The following CD2AP variants were observed in gnomAD, a reference collection of about 807,000 sequenced individuals.
CD2AP encodes the protein CD2 associated protein, also known as CD2-associated protein.
A neutral mutation model predicts 85.1 loss-of-function variants in CD2AP; 46 were observed. The observed-to-expected ratio is 0.54, with a 90% CI of 0.43 to 0.69. The LOEUF is 0.69. Among genes scored for constraint, CD2AP ranks in the 30% least tolerant of loss-of-function variants. The pLI, the probability that CD2AP is intolerant of heterozygous loss-of-function variation, is 0.00. For synonymous variants in CD2AP, 255 were observed against 252.9 expected (o/e 1.01, Z -0.08); for missense variants, 769 against 729.5 (o/e 1.05, Z -0.62).
chr6:47,614,679 A>G (rs1002580716), intron 17 of CD2AP, among the ~76,000 whole-genome samples: 1 of 152,246 alleles, frequency 6.6e-6, no homozygotes. Context: ...AATGGCATCA[A>G]TAGAGTTGCT....
chr6:47,535,444 C>G (rs1472871218), intron 3 of CD2AP, among the ~76,000 whole-genome samples: 1 of 152,104 alleles, frequency 6.6e-6, no homozygotes, highest in African/African-American at 2.4e-5. Flanking sequence ...CAGTCTATTA[C>G]TTTCATAAGC....
At chr6:47,534,751 A>G (rs1055563915) in intron 3 of CD2AP, among the ~76,000 whole-genome samples, 37 of 152,310 alleles carry the variant, frequency 2.4e-4, no homozygotes, top group African/African-American at 8.7e-4. Context: ...ATGGGAGCAC[A>G]TAGCAAATGT....
chr6:47,496,334 T>C (rs938259688), intron 1 of CD2AP, among the ~76,000 whole-genome samples: 8 of 152,204 alleles, frequency 5.3e-5, no homozygotes, highest in African/African-American at 1.9e-4. Flanking sequence ...CCCATTAGTC[T>C]GAATGTTGCT....
At chr6:47,541,362 G>A (rs1202451084) in intron 3 of CD2AP, among the ~76,000 whole-genome samples, 1 of 152,160 alleles carries the variant, frequency 6.6e-6, no homozygotes, top group Non-Finnish European at 1.5e-5. Flanking sequence ...CTGACCTCAT[G>A]ATCCGCCTGC....
intron 13 of CD2AP, 79 bp downstream of exon 13, chr6:47,599,522 A>G: frequency 7.9e-7 from 1 of 1,258,842 alleles, no homozygotes; most frequent in South Asian, 1.3e-5. Flanking sequence ...TATTTATGCA[A>G]TTTGTGTGTG....
chr6:47,534,070 A>T (rs1396359008), intron 3 of CD2AP, among the ~76,000 whole-genome samples: 1 of 152,260 alleles, frequency 6.6e-6, no homozygotes, highest in Non-Finnish European at 1.5e-5. Flanking sequence ...ATTCTGAAAT[A>T]TCTGCTGATT....
chr6:47,562,844 A>G, intron 5 of CD2AP: 2 of 975,680 alleles, frequency 2.0e-6, no homozygotes, highest in Non-Finnish European at 3.3e-6. Context: ...CACCAAATCA[A>G]CCTAATGAAG....
intron 11 of CD2AP, among the ~76,000 whole-genome samples, chr6:47,583,470 C>T (rs2114110608): frequency 6.6e-6 from 1 of 152,150 alleles, no homozygotes; most frequent in South Asian, 2.1e-4. Flanking sequence ...TTTTTAATGA[C>T]TCCATAGTTT....
At chr6:47,527,112 C>CA (rs766704769) in intron 2 of CD2AP, among the ~76,000 whole-genome samples, 2 of 142,054 alleles carry the variant, frequency 1.4e-5, no homozygotes, top group Non-Finnish European at 3.1e-5. Context: ...AGACTCCCCC[C>CA]CGATTGAAAA....
intron 2 of CD2AP, among the ~76,000 whole-genome samples, chr6:47,532,382 C>T (rs1165687032): frequency 3.5e-4 from 1 of 2,848 alleles, no homozygotes; most frequent in Non-Finnish European, 4.5e-3. Flanking sequence ...TGTATACACA[C>T]ACACACACAC....
intron 1 of CD2AP, among the ~76,000 whole-genome samples, chr6:47,480,151 A>G (rs4715021): frequency 0.61 from 93,032 of 151,932 alleles, 29,221 homozygotes; most frequent in Middle Eastern, 0.74. Flanking sequence ...TGTGTTTTGA[A>G]GGTATGTTAC....
At chr6:47,534,031 C>G (rs942246039) in intron 3 of CD2AP, among the ~76,000 whole-genome samples, 1 of 152,208 alleles carries the variant, frequency 6.6e-6, no homozygotes, top group Admixed American at 6.5e-5. Flanking sequence ...TTTACCTTAA[C>G]TATATTTTAA....
In CD2AP at chr6:47,565,486, A is replaced by G. The variant is rs534321823; in HGVS notation, c.542-8578A>G. ...ATACTTGTCTTTTCCACCCTTTTCTAAAAGTCTTCCACATTAAACCTCTTT... is the reference window on the plus strand; with the variant it reads ...ATACTTGTCTTTTCCACCCTTTTCTGAAAGTCTTCCACATTAAACCTCTTT... On this transcript the variant is annotated intron_variant, in intron 5 of 17. Coordinates refer to ENST00000359314, the MANE Select transcript of CD2AP (RefSeq NM_012120.3). Among the ~76,000 whole-genome samples, 7 of 152,246 alleles carry G rather than the reference A, an allele frequency of 4.6e-5. No individual in the cohort carries two copies. The South Asian group carries it at 1.5e-3, about 32-fold the overall frequency.
chr6:47,610,971 A>ATATATATATATATATATAT lies in CD2AP; in HGVS notation c.1815-1501_1815-1500insATATATATATATATATATT. Among the ~76,000 whole-genome samples the ATATATATATATATATATAT allele has an allele frequency of 3.9e-3, 438 of 112,704 alleles. 7 individuals carry two copies. Among genetic ancestry groups the ATATATATATATATATATAT allele is most frequent in the South Asian group, 5.1e-3 (18 of 3,506 alleles). The allele number at this position is 112,704 out of a possible 152,430, so 73.9% of individuals were successfully genotyped here. A position where few individuals can be genotyped will look rare whatever the true frequency, so the allele number is the denominator to read the frequency against. On this transcript the variant is annotated intron_variant, in intron 16 of 17. Coordinates refer to ENST00000359314, the MANE Select transcript of CD2AP (RefSeq NM_012120.3). ...GATTTATATATATATATATATATGT[A>ATATATATATATATATATAT]TTTTTTTTTTTTTTTGAATATAAAA...
In CD2AP at chr6:47,625,017, T is replaced by C. The variant is rs965336351; in HGVS notation, c.*790T>C. Reference sequence around the variant, plus strand: ...TGAACTGTATTTTAAATTTGTTAGGTCTGAAGAATCTAAAACTGTTAATTT... The same window carrying C: ...TGAACTGTATTTTAAATTTGTTAGGCCTGAAGAATCTAAAACTGTTAATTT... On this transcript the variant is annotated 3_prime_UTR_variant, in exon 18 of 18. Coordinates refer to ENST00000359314, the MANE Select transcript of CD2AP (RefSeq NM_012120.3). 6.6e-6 allele frequency: 1 copy of C among 151,956 alleles called. No homozygotes were observed. Among genetic ancestry groups the C allele is most frequent in the African/African-American group, 2.4e-5 (1 of 41,430 alleles). The allele number at this position is 151,956 out of a possible 1,614,324, so 9.4% of individuals were successfully genotyped here.
At chr6:47,596,129 T>C in intron 12 of CD2AP, 103 bp downstream of exon 12, 1 of 831,148 alleles carries the variant, frequency 1.2e-6, no homozygotes, top group Middle Eastern at 2.4e-4. Flanking sequence ...TTCTTATTTT[T>C]CAGTTATATT....
At chr6:47,564,898 C>T (rs1292491818) in intron 5 of CD2AP, among the ~76,000 whole-genome samples, 2 of 151,822 alleles carry the variant, frequency 1.3e-5, no homozygotes, top group African/African-American at 4.8e-5. Flanking sequence ...ATGTCATATC[C>T]ACTATATTTG....
In CD2AP at chr6:47,595,804, T is replaced by C. The variant is rs984344424; in HGVS notation, c.1109-57T>C. On this transcript the variant is annotated intron_variant, in intron 11 of 17. Transcript: ENST00000359314. ...CCAGCCTGATACAAACTTTTGGAAATAGAAAAACCTAAATAATTTTGATTG... is the reference window on the plus strand; with the variant it reads ...CCAGCCTGATACAAACTTTTGGAAACAGAAAAACCTAAATAATTTTGATTG... 3.5e-5 allele frequency: 53 copies of C among 1,502,486 alleles called. No individual in the cohort carries two copies. The African/African-American group carries it at 6.8e-4, about 19-fold the overall frequency. 93.1% of individuals were successfully genotyped at this position (1,502,486 alleles called of 1,614,324 possible). A position where few individuals can be genotyped will look rare whatever the true frequency, so the allele number is the denominator to read the frequency against.
At position 47,624,256 on chromosome 6, in the gene CD2AP, C is replaced by G; in HGVS notation, c.*29C>G. ...GTGTGGACCTGGTGTTCATAATGTTCCAGGGATTCAGAAGCAACGCTATGA... is the reference window on the plus strand; with the variant it reads ...GTGTGGACCTGGTGTTCATAATGTTGCAGGGATTCAGAAGCAACGCTATGA... On this transcript the variant is annotated 3_prime_UTR_variant, in exon 18 of 18. Transcript: ENST00000359314. 1 of 1,584,754 alleles carries G rather than the reference C, an allele frequency of 6.3e-7. No homozygotes were observed. The highest frequency in any genetic ancestry group is 8.7e-7 in the Non-Finnish European group (1 of 1,153,772).
Sources: allele counts gnomAD v4.1 joint callset (sites outside exome capture counted in the v4.1 genomes callset), GRCh38; gene constraint gnomAD v4.1.1; transcripts MANE v1.5; gene names NCBI Gene and HGNC (gene_info 2026-07-23, HGNC 2026-07-21).